ADRA1B: variants seen among roughly 807,000 people sequenced by gnomAD.
ADRA1B encodes alpha-1B adrenergic receptor.
In ADRA1B, 17 loss-of-function variants were observed where a neutral mutation model predicts 17.9. That is an observed-to-expected ratio of 0.95 (90% CI 0.65 to 1.42). ADRA1B has a LOEUF of 1.42. Among genes scored for constraint, ADRA1B ranks in the 40% most tolerant of loss-of-function variants. The pLI is 0.00. For synonymous variants in ADRA1B, 366 were observed against 327.6 expected (o/e 1.12, Z -1.27); for missense variants, 681 against 722.1 (o/e 0.94, Z 0.65).
At chr5:159,987,616 T>A in the ADRA1B span, among the ~76,000 whole-genome samples, 1 of 152,232 alleles carries the variant, frequency 6.6e-6, no homozygotes, top group Non-Finnish European at 1.5e-5. Context: ...ATTCAGCTGG[T>A]GCGGCCCTGC....
upstream of ADRA1B, among the ~76,000 whole-genome samples, chr5:159,913,214 C>T (rs1754245328): frequency 1.3e-5 from 2 of 152,162 alleles, no homozygotes; most frequent in East Asian, 1.9e-4. Flanking sequence ...CCACAAGCGT[C>T]GAGTGAGTCA....
chr5:159,950,468 C>T, intron 1 of ADRA1B: 3 of 1,248,982 alleles, frequency 2.4e-6, no homozygotes, highest in African/African-American at 1.5e-5. Context: ...CTCATGCTCT[C>T]ACTGGGGCTG....
At chr5:159,876,229 C>T (rs1211676192) in intron 1 of ADRA1B, among the ~76,000 whole-genome samples, 1 of 152,140 alleles carries the variant, frequency 6.6e-6, no homozygotes, top group African/African-American at 2.4e-5. Context: ...TTTATTACTT[C>T]ATTTTAAAAA....
intron 1 of ADRA1B, among the ~76,000 whole-genome samples, chr5:159,945,645 C>T (rs993734998): frequency 6.6e-6 from 1 of 151,946 alleles, no homozygotes; most frequent in Non-Finnish European, 1.5e-5. Context: ...CCTTGTAGGT[C>T]ATGATAGAAA....
At chr5:159,940,296 C>G (rs1275413787) in intron 1 of ADRA1B, among the ~76,000 whole-genome samples, 1 of 152,124 alleles carries the variant, frequency 6.6e-6, no homozygotes, top group Non-Finnish European at 1.5e-5. Flanking sequence ...AAGAACCACC[C>G]ACATCGATAT....
chr5:159,890,540 C>A (rs1356857244), intron 1 of ADRA1B, among the ~76,000 whole-genome samples: 1 of 152,178 alleles, frequency 6.6e-6, no homozygotes, highest in East Asian at 1.9e-4. Flanking sequence ...TAAGAAAATT[C>A]AAAGGCTGAA....
chr5:159,980,905 G>A, the ADRA1B span, among the ~76,000 whole-genome samples: 1 of 151,908 alleles, frequency 6.6e-6, no homozygotes, highest in Non-Finnish European at 1.5e-5. Flanking sequence ...ACTCTCCTGA[G>A]ATAAGTACTA....
intron 1 of ADRA1B, among the ~76,000 whole-genome samples, chr5:159,944,039 A>G (rs1366747796): frequency 6.6e-6 from 1 of 152,010 alleles, no homozygotes; most frequent in African/African-American, 2.4e-5. Flanking sequence ...GAGGTACCTT[A>G]CCCAAGATTT....
At chr5:159,878,484 G>A (rs762323260) in intron 1 of ADRA1B, among the ~76,000 whole-genome samples, 7 of 152,176 alleles carry the variant, frequency 4.6e-5, no homozygotes, top group African/African-American at 7.2e-5. Flanking sequence ...CCTGTTTTCC[G>A]CGTGCAATCT....
chr5:159,925,082 G>T (rs1229694191), intron 1 of ADRA1B, among the ~76,000 whole-genome samples: 1 of 152,214 alleles, frequency 6.6e-6, no homozygotes, highest in Non-Finnish European at 1.5e-5. Flanking sequence ...GCTGATCAAT[G>T]ACAGAACATG....
intron 1 of ADRA1B, among the ~76,000 whole-genome samples, chr5:159,959,231 T>G (rs1328473310): frequency 1.3e-5 from 2 of 152,152 alleles, no homozygotes; most frequent in African/African-American, 4.8e-5. Flanking sequence ...AGGAAGGGTT[T>G]TGGGAGGAGA....
intron 1 of ADRA1B, among the ~76,000 whole-genome samples, chr5:159,909,308 C>T (rs1754201378): frequency 6.6e-6 from 1 of 152,194 alleles, no homozygotes; most frequent in African/African-American, 2.4e-5. Context: ...CAGAAACCGC[C>T]TTCTGACATC....
intron 1 of ADRA1B, among the ~76,000 whole-genome samples, chr5:159,902,652 G>C (rs1754115678): frequency 6.6e-6 from 1 of 152,212 alleles, no homozygotes; most frequent in Non-Finnish European, 1.5e-5. Flanking sequence ...GTTGATGGTA[G>C]AGTCAGTGTT....
intron 1 of ADRA1B, among the ~76,000 whole-genome samples, chr5:159,963,309 TCCACAC>T (rs1755714069): frequency 4.0e-5 from 6 of 148,790 alleles, no homozygotes; most frequent in East Asian, 2.0e-4. Flanking sequence ...TATATATATA[TCCACAC>T]ACATAAGTAT....
Position 159,917,019 on chromosome 5 carries a change from C to A in ADRA1B, c.114C>A (p.Pro38=), listed in dbSNP as rs769891000. 4 of 1,614,148 alleles carry A rather than the reference C, an allele frequency of 2.5e-6. No individual in the cohort carries two copies. The highest frequency in any genetic ancestry group is 3.4e-6 in the Non-Finnish European group (4 of 1,180,020). ...AGACCTCGAGCAACTCCACACTGCC[C>A]CAGCTGGACATCACCAGGGCCATCT... ...PNQTSSNSTL[P]QLDITRAISV... The change falls in exon 1 of 2, where the codon CCC becomes CCA. Residue 38 remains proline (P), a synonymous_variant. Transcript: ENST00000306675.
intron 1 of ADRA1B, among the ~76,000 whole-genome samples, chr5:159,919,991 G>A (rs1448694811): frequency 4.6e-5 from 7 of 152,182 alleles, no homozygotes; most frequent in Admixed American, 1.3e-4. Context: ...CCTGGAGAAC[G>A]AGGAGGTTGA....
At chr5:159,865,635 T>C (rs1213939863) in intron 1 of ADRA1B, among the ~76,000 whole-genome samples, 1 of 152,240 alleles carries the variant, frequency 6.6e-6, no homozygotes, top group Non-Finnish European at 1.5e-5. Flanking sequence ...TAGCGGCATT[T>C]TTGGAAATGA....
intron 1 of ADRA1B, chr5:159,955,054 A>G: frequency 1.3e-6 from 1 of 743,064 alleles, no homozygotes; most frequent in Non-Finnish European, 1.6e-6. Context: ...GCATGCATTC[A>G]GCAGCAAAGA....
upstream of ADRA1B, among the ~76,000 whole-genome samples, chr5:159,915,467 C>T (rs77465174): frequency 9.8e-3 from 1,492 of 152,184 alleles, 22 homozygotes; most frequent in African/African-American, 0.033. Flanking sequence ...CTTTCTTGGC[C>T]CATACTTTCT....
Sources: gnomAD v4.1 joint callset for allele counts (sites outside exome capture counted in the v4.1 genomes callset) on GRCh38, gnomAD v4.1.1 for gene constraint, MANE v1.5 for transcripts, NCBI Gene and HGNC (gene_info 2026-07-23, HGNC 2026-07-21) for gene names.